CEMIP: variants seen among roughly 807,000 people sequenced by gnomAD.
The protein encoded by CEMIP is cell migration-inducing and hyaluronan-binding protein.
In CEMIP, 105 loss-of-function variants were observed where a neutral mutation model predicts 156.9. That is an observed-to-expected ratio of 0.67 (90% CI 0.57 to 0.79). The LOEUF is 0.79. Ranked by LOEUF, CEMIP falls within the 30% of genes least tolerant of loss-of-function variation. CEMIP has a pLI of 0.00. For missense variants in CEMIP, 1,457 were observed against 1,769.4 expected (o/e 0.82, Z 3.17); for synonymous variants, 676 against 668.4 (o/e 1.01, Z -0.17).
In CEMIP at chr15:80,947,253, C is replaced by T. The variant is rs936070926; in HGVS notation, c.3958+188C>T. On this transcript the variant is annotated intron_variant, in intron 29 of 29. Transcript: ENST00000394685. ...TGGGCAAGATGCCACCTGTTTACCA[C>T]CCCTGCACTGCAGCAAATTTATTAT... The T allele has an allele frequency of 2.9e-5, 16 of 559,886 alleles. No homozygotes were observed. In the South Asian group the frequency reaches 3.6e-4, roughly 13 times the overall value. The allele number at this position is 559,886 out of a possible 1,614,324, so 34.7% of individuals were successfully genotyped here.
rs139112874 is a variant in CEMIP, at chr15:80,876,540, G to A, written c.95-2181G>A. 4.7e-3 allele frequency among the ~76,000 whole-genome samples: 721 copies of A among 152,340 alleles called. 1 individual carries two copies. The highest frequency in any genetic ancestry group is 7.2e-3 in the Non-Finnish European group (487 of 68,026). On this transcript the variant is annotated intron_variant, in intron 3 of 29. Coordinates refer to ENST00000394685, the MANE Select transcript of CEMIP (RefSeq NM_001293298.2). ...GTGAAATTCTTTTCTTGATGAAAGA[G>A]ATCCAAAGCCTGTGCTAGGGCTGAC...
chr15:80,812,744 G>GT (rs141022053), intron 1 of CEMIP, among the ~76,000 whole-genome samples: 2,465 of 152,236 alleles, frequency 0.016, 60 homozygotes, highest in African/African-American at 0.057. Context: ...ATGAAGTCAT[G>GT]TTTTTTTAAA....
chr15:80,942,701 G>A (rs367779320), intron 27 of CEMIP, among the ~76,000 whole-genome samples: 10 of 152,114 alleles, frequency 6.6e-5, no homozygotes, highest in South Asian at 2.1e-4. Context: ...ACTTAATTCC[G>A]TCTGCAAAGA....
intron 1 of CEMIP, among the ~76,000 whole-genome samples, chr15:80,800,280 G>A (rs1896343464): frequency 6.6e-6 from 1 of 152,126 alleles, no homozygotes; most frequent in South Asian, 2.1e-4. Flanking sequence ...GAGTCGTATG[G>A]TGGGGTGTGG....
intron 14 of CEMIP, among the ~76,000 whole-genome samples, chr15:80,918,544 G>A (rs2141916092): frequency 6.6e-6 from 1 of 152,348 alleles, no homozygotes; most frequent in Non-Finnish European, 1.5e-5. Context: ...GTGGAGGATT[G>A]TTGCTGGTCG....
chr15:80,894,903 T>C (rs1899159344), intron 10 of CEMIP, 87 bp from the exon 11 acceptor site: 6 of 1,527,736 alleles, frequency 3.9e-6, no homozygotes, highest in Admixed American at 3.4e-5. Flanking sequence ...TTTAGACTTC[T>C]GAGTATATGT....
chr15:80,921,264 G>C lies in CEMIP; in HGVS notation c.2073+163G>C, dbSNP rs372549993. Reference sequence around the variant, plus strand: ...AAGAGGAAAACGACAGACTGGGGGTGGTGGGGCAGGGGGCGTTCTTTGGAC... The same window carrying C: ...AAGAGGAAAACGACAGACTGGGGGTCGTGGGGCAGGGGGCGTTCTTTGGAC... On this transcript the variant is annotated intron_variant, in intron 16 of 29. Transcript: ENST00000394685. 1.2e-4 allele frequency among the ~76,000 whole-genome samples: 18 copies of C among 152,250 alleles called. No homozygotes were observed. In the East Asian group the frequency reaches 3.3e-3, roughly 28 times the overall value.
chr15:80,858,929 C>T (rs557480255), intron 1 of CEMIP, among the ~76,000 whole-genome samples: 6 of 152,296 alleles, frequency 3.9e-5, no homozygotes, highest in Admixed American at 2.0e-4. Flanking sequence ...CAAGTATTAG[C>T]TTTCTCCATC....
intron 14 of CEMIP, among the ~76,000 whole-genome samples, chr15:80,911,682 A>C (rs1900060630): frequency 6.6e-6 from 1 of 152,216 alleles, no homozygotes. Flanking sequence ...GCTTCCTCTC[A>C]GGGTGGTTCA....
chr15:80,910,959 A>G (rs896765038), intron 14 of CEMIP, among the ~76,000 whole-genome samples: 1 of 152,240 alleles, frequency 6.6e-6, no homozygotes, highest in African/African-American at 2.4e-5. Flanking sequence ...AAGATTTACA[A>G]TAAATTCAGA....
At chr15:80,862,633 C>CT (rs1287662759) in intron 1 of CEMIP, among the ~76,000 whole-genome samples, 6 of 152,350 alleles carry the variant, frequency 3.9e-5, no homozygotes, top group African/African-American at 1.4e-4. Context: ...TAGGAGGCAG[C>CT]TTCCAGGGCG....
chr15:80,785,905 G>A (rs1895924518), intron 1 of CEMIP, among the ~76,000 whole-genome samples: 2 of 152,188 alleles, frequency 1.3e-5, no homozygotes, highest in South Asian at 4.1e-4. Flanking sequence ...GGCTACACTG[G>A]GCGCAAGAGA....
chr15:80,888,311 C>T (rs1329433174), intron 8 of CEMIP, among the ~76,000 whole-genome samples: 6 of 151,904 alleles, frequency 3.9e-5, no homozygotes, highest in Non-Finnish European at 7.4e-5. Context: ...ACAGAGACCC[C>T]GTCTCAAAAA....
At chr15:80,796,333 CTA>C (rs1896222748) in intron 1 of CEMIP, among the ~76,000 whole-genome samples, 1 of 152,142 alleles carries the variant, frequency 6.6e-6, no homozygotes, top group Non-Finnish European at 1.5e-5. Context: ...ACACTCAGAA[CTA>C]TAGAGTGCTT....
intron 21 of CEMIP, 86 bp from the exon 22 acceptor site, chr15:80,931,773 A>G (rs1182431436): frequency 1.1e-5 from 15 of 1,369,492 alleles, no homozygotes; most frequent in Non-Finnish European, 1.5e-5. Flanking sequence ...AGGGGCAAAC[A>G]TGGCGTTTAG....
At chr15:80,801,413 C>A (rs1171385898) in intron 1 of CEMIP, among the ~76,000 whole-genome samples, 1 of 152,210 alleles carries the variant, frequency 6.6e-6, no homozygotes, top group Non-Finnish European at 1.5e-5. Flanking sequence ...TCTCTCATCA[C>A]CCAGTAGACT....
chr15:80,858,743 A>G (rs1487162228), intron 1 of CEMIP, among the ~76,000 whole-genome samples: 5 of 152,164 alleles, frequency 3.3e-5, no homozygotes, highest in African/African-American at 9.7e-5. Context: ...AAAGAAAAAA[A>G]GAACTAATCT....
intron 1 of CEMIP, among the ~76,000 whole-genome samples, chr15:80,790,850 C>T (rs923655283): frequency 2.0e-5 from 3 of 152,108 alleles, no homozygotes; most frequent in Non-Finnish European, 4.4e-5. Flanking sequence ...GTTGCATTTC[C>T]CTGCAATGGA....
intron 11 of CEMIP, among the ~76,000 whole-genome samples, chr15:80,895,479 G>A (rs1899187566): frequency 6.6e-6 from 1 of 152,156 alleles, no homozygotes. Flanking sequence ...GTTGTTCTCG[G>A]AGGCACTTGG....
Sources: allele counts gnomAD v4.1 joint callset (sites outside exome capture counted in the v4.1 genomes callset), GRCh38; gene constraint gnomAD v4.1.1; transcripts MANE v1.5; gene names NCBI Gene and HGNC (gene_info 2026-07-23, HGNC 2026-07-21).